UGT8: variants seen among roughly 807,000 people sequenced by gnomAD.
The protein encoded by UGT8 is 2-hydroxyacylsphingosine 1-beta-galactosyltransferase.
A neutral mutation model predicts 40.5 loss-of-function variants in UGT8; 12 were observed. The observed-to-expected ratio is 0.30, with a 90% CI of 0.19 to 0.48. UGT8 has a LOEUF of 0.48. UGT8 is among the 20% of genes least tolerant of loss of function. The pLI is 0.99. For missense variants in UGT8, 513 were observed against 648.7 expected, an observed-to-expected ratio of 0.79 and a Z score of 2.27; for synonymous variants, 224 against 240.4, an observed-to-expected ratio of 0.93 and a Z score of 0.63.
At chr4:114,639,809 C>T (rs934077628) in intron 2 of UGT8, among the ~76,000 whole-genome samples, 1 of 152,148 alleles carries the variant, frequency 6.6e-6, no homozygotes, top group Non-Finnish European at 1.5e-5. Context: ...ACACAGTAAA[C>T]CTACTTCTCC....
In UGT8 at chr4:114,662,361, C is replaced by T. The variant is rs543916641; in HGVS notation, c.823-1634C>T. Among the ~76,000 whole-genome samples, 16 of 152,270 alleles carry T rather than the reference C, an allele frequency of 1.1e-4. No homozygotes were observed. In the East Asian group the frequency reaches 3.1e-3, roughly 29 times the overall value. Reference sequence around the variant, plus strand: ...AAGAGCTACAGCTCACTGTCACTGTCCCAGGCATGTGACAAGCCTTGGAAA... The same window carrying T: ...AAGAGCTACAGCTCACTGTCACTGTTCCAGGCATGTGACAAGCCTTGGAAA... On this transcript the variant is annotated intron_variant, in intron 2 of 5. Coordinates refer to ENST00000310836, the MANE Select transcript of UGT8 (RefSeq NM_001128174.3).
At chr4:114,651,033 A>G (rs1346247740) in intron 2 of UGT8, among the ~76,000 whole-genome samples, 1 of 152,076 alleles carries the variant, frequency 6.6e-6, no homozygotes, top group East Asian at 1.9e-4. Context: ...TGATCCTGGA[A>G]AGATCTTATC....
intron 2 of UGT8, among the ~76,000 whole-genome samples, chr4:114,657,840 C>T (rs1734281544): frequency 6.6e-6 from 1 of 152,074 alleles, no homozygotes; most frequent in Admixed American, 6.6e-5. Flanking sequence ...CTGCAGTGTG[C>T]TTGTAAAGTA....
At chr4:114,627,543 C>T (rs1482029273) in intron 2 of UGT8, among the ~76,000 whole-genome samples, 1 of 152,030 alleles carries the variant, frequency 6.6e-6, no homozygotes, top group African/African-American at 2.4e-5. Flanking sequence ...CAGGTGTGAG[C>T]CACCGCGCCT....
rs147821436 is a variant in UGT8, at chr4:114,676,469, G to A, written c.*181G>A. The A allele has an allele frequency of 1.0e-4, 57 of 549,382 alleles. No individual in the cohort carries two copies. Among genetic ancestry groups the A allele is most frequent in the African/African-American group, 1.0e-3 (54 of 52,770 alleles). The allele number at this position is 549,382 out of a possible 1,614,324, so 34.0% of individuals were successfully genotyped here. ...GTAAAAAGCACAAACCTAAAATGCAGAAATGTATTTTATTCAAATACTGAT... is the reference window on the plus strand; with the variant it reads ...GTAAAAAGCACAAACCTAAAATGCAAAAATGTATTTTATTCAAATACTGAT... On this transcript the variant is annotated 3_prime_UTR_variant, in exon 6 of 6. Coordinates refer to ENST00000310836, the MANE Select transcript of UGT8 (RefSeq NM_001128174.3).
At chr4:114,644,015 C>T (rs1733394352) in intron 2 of UGT8, among the ~76,000 whole-genome samples, 1 of 152,154 alleles carries the variant, frequency 6.6e-6, no homozygotes, top group Non-Finnish European at 1.5e-5. Context: ...AGGCTTTACC[C>T]TTCAGCCATG....
At chr4:114,658,692 T>A (rs1734336440) in intron 2 of UGT8, among the ~76,000 whole-genome samples, 1 of 133,464 alleles carries the variant, frequency 7.5e-6, no homozygotes, top group Non-Finnish European at 1.7e-5. Flanking sequence ...GTGTTTTACA[T>A]TGGCCACAAT....
intron 2 of UGT8, among the ~76,000 whole-genome samples, chr4:114,662,594 T>TTCTG (rs1292700689): frequency 2.0e-5 from 3 of 152,188 alleles, no homozygotes; most frequent in Non-Finnish European, 4.4e-5. Flanking sequence ...TGTACCTCCT[T>TTCTG]TCTGTCATCA....
intron 1 of UGT8, among the ~76,000 whole-genome samples, chr4:114,609,372 A>C (rs1333132706): frequency 2.0e-5 from 3 of 152,244 alleles, no homozygotes; most frequent in African/African-American, 7.2e-5. Flanking sequence ...GTTTTAAATA[A>C]TTCTTGAAGG....
At chr4:114,608,557 C>A (rs1730866298) in intron 1 of UGT8, among the ~76,000 whole-genome samples, 1 of 151,580 alleles carries the variant, frequency 6.6e-6, no homozygotes. Flanking sequence ...TATATAGGAA[C>A]AACATATCTT....
At position 114,665,448 on chromosome 4, in the gene UGT8, A is replaced by G; in HGVS notation, c.966-232A>G. 3.0e-6 allele frequency: 3 copies of G among 985,376 alleles called. No homozygotes were observed. In the South Asian group the frequency reaches 1.4e-4, roughly 46 times the overall value. The allele number at this position is 985,376 out of a possible 1,614,324, so 61.0% of individuals were successfully genotyped here. On this transcript the variant is annotated intron_variant, in intron 3 of 5. Coordinates refer to ENST00000310836, the MANE Select transcript of UGT8 (RefSeq NM_001128174.3). ...GTATAGGCGTGAGGAACCAATGGAA[A>G]ATAGATCTCTATGTAAGCAAATTAT...
chr4:114,640,915 A>G (rs1271819558), intron 2 of UGT8, among the ~76,000 whole-genome samples: 2 of 152,170 alleles, frequency 1.3e-5, no homozygotes, highest in African/African-American at 4.8e-5. Flanking sequence ...CAGCCAAACC[A>G]TATCAGGATC....
chr4:114,650,220 C>A (rs545367453), intron 2 of UGT8, among the ~76,000 whole-genome samples: 1 of 152,282 alleles, frequency 6.6e-6, no homozygotes, highest in African/African-American at 2.4e-5. Flanking sequence ...AATTGGCTTG[C>A]CTTGGAGACC....
At chr4:114,620,772 A>G (rs183906958) in intron 1 of UGT8, among the ~76,000 whole-genome samples, 2 of 152,288 alleles carry the variant, frequency 1.3e-5, no homozygotes, top group Admixed American at 1.3e-4. Flanking sequence ...AGAATCTATT[A>G]GTTGCCTGCT....
intron 1 of UGT8, among the ~76,000 whole-genome samples, chr4:114,618,330 A>T (rs1336230014): frequency 3.9e-5 from 6 of 152,206 alleles, no homozygotes; most frequent in Non-Finnish European, 8.8e-5. Context: ...ACCAGTTTAC[A>T]TTTTCACCAA....
intron 2 of UGT8, chr4:114,656,928 TC>T: frequency 2.3e-6 from 1 of 439,856 alleles, no homozygotes; most frequent in Non-Finnish European, 4.6e-6. Flanking sequence ...CTTTGATATG[TC>T]CCAAGTGTCA....
At position 114,629,243 on chromosome 4, in the gene UGT8, G is replaced by T. The variant is rs747071331; in HGVS notation, c.822+5541G>T. 8.8e-4 allele frequency among the ~76,000 whole-genome samples: 134 copies of T among 152,282 alleles called. 1 individual carries two copies. The highest frequency in any genetic ancestry group is 3.4e-3 in the Middle Eastern group (1 of 294). ...ATGCTATGTTGTTAGCTATGTGGGGGTCAGAAAATTGAGGATGACAATGTT... is the reference window on the plus strand; with the variant it reads ...ATGCTATGTTGTTAGCTATGTGGGGTTCAGAAAATTGAGGATGACAATGTT... On this transcript the variant is annotated intron_variant, in intron 2 of 5. Transcript: ENST00000310836.
At chr4:114,598,559 C>G (rs1730221387), upstream of UGT8, 1 of 152,260 alleles carries the variant, frequency 6.6e-6, no homozygotes, top group Non-Finnish European at 1.5e-5. Context: ...ATGCCCCAGC[C>G]CGGGGAGCTG....
intron 2 of UGT8, among the ~76,000 whole-genome samples, chr4:114,650,822 A>G (rs1047144173): frequency 6.6e-6 from 1 of 152,040 alleles, no homozygotes; most frequent in Non-Finnish European, 1.5e-5. Context: ...TCTTTCACTG[A>G]TATATTTCTT....
Sources: gnomAD v4.1 joint callset for allele counts (sites outside exome capture counted in the v4.1 genomes callset) on GRCh38, gnomAD v4.1.1 for gene constraint, MANE v1.5 for transcripts, NCBI Gene and HGNC (gene_info 2026-07-23, HGNC 2026-07-21) for gene names.